Variants in COL19A1 observed in about 807,000 individuals in gnomAD.
COL19A1 encodes the protein collagen type XIX alpha 1 chain, also known as collagen alpha-1(XIX) chain.
A neutral mutation model predicts 190.2 loss-of-function variants in COL19A1; 159 were observed. The ratio of observed to expected loss-of-function variants is 0.84; its 90% CI spans 0.73 to 0.95. The LOEUF is 0.95. COL19A1 is among the 40% of genes least tolerant of loss of function. COL19A1 has a pLI of 0.00. For missense variants in COL19A1, 1,418 were observed against 1,431.9 expected (o/e 0.99, Z 0.16); for synonymous variants, 509 against 458.9 (o/e 1.11, Z -1.39).
At chr6:69,944,403 A>G (rs1424344417) in intron 9 of COL19A1, among the ~76,000 whole-genome samples, 1 of 152,142 alleles carries the variant, frequency 6.6e-6, no homozygotes, top group Non-Finnish European at 1.5e-5. Context: ...AGGAAAGTTT[A>G]AATAATCAAC....
chr6:70,048,286 A>G (rs1378255646), intron 14 of COL19A1, among the ~76,000 whole-genome samples: 1 of 152,138 alleles, frequency 6.6e-6, no homozygotes, highest in African/African-American at 2.4e-5. Context: ...AAGAGATCAT[A>G]TAGTGTTCAC....
At chr6:70,088,331 G>A (rs1782702561) in intron 15 of COL19A1, among the ~76,000 whole-genome samples, 1 of 152,006 alleles carries the variant, frequency 6.6e-6, no homozygotes, top group South Asian at 2.1e-4. Context: ...GACTTTTTCA[G>A]ATTCACTTAA....
Position 70,156,654 on chromosome 6 carries a change from T to C in COL19A1, c.2239-16T>C, listed in dbSNP as rs1305534911. Reference sequence around the variant, plus strand: ...AAAATGATTGCATGTGCTAGCTGAATGTATTGTCTTTTTAGGGAAGCAAAG... The same window carrying C: ...AAAATGATTGCATGTGCTAGCTGAACGTATTGTCTTTTTAGGGAAGCAAAG... On this transcript the variant is annotated splice_polypyrimidine_tract_variant and intron_variant, in intron 33 of 50. Coordinates refer to ENST00000620364, the MANE Select transcript of COL19A1 (RefSeq NM_001858.6). 1.2e-6 allele frequency: 2 copies of C among 1,611,070 alleles called. No individual in the cohort carries two copies. The highest frequency in any genetic ancestry group is 1.7e-6 in the Non-Finnish European group (2 of 1,178,136).
chr6:69,869,970 G>A (rs1201272559), intron 1 of COL19A1, among the ~76,000 whole-genome samples: 3 of 152,148 alleles, frequency 2.0e-5, no homozygotes, highest in South Asian at 2.1e-4. Context: ...TTCTGTGGAG[G>A]CAGAGAGCAA....
chr6:70,080,375 C>T (rs1782175438), intron 15 of COL19A1, among the ~76,000 whole-genome samples: 1 of 152,148 alleles, frequency 6.6e-6, no homozygotes, highest in Non-Finnish European at 1.5e-5. Flanking sequence ...TCTATTATTG[C>T]AATTTCAGTT....
chr6:69,879,609 A>G lies in COL19A1; in HGVS notation c.42A>G (p.Ser14=). The change falls in exon 2 of 51, where the codon TCA becomes TCG. Residue 14 remains serine, a synonymous_variant. Coordinates refer to ENST00000620364, the MANE Select transcript of COL19A1 (RefSeq NM_001858.6). ...TGPWKLWLWM[S]IFLLPASTSV... ...CTTGGAAACTTTGGCTTTGGATGTCAATATTTCTGCTTCCTGCTTCCACTT... is the reference window on the plus strand; with the variant it reads ...CTTGGAAACTTTGGCTTTGGATGTCGATATTTCTGCTTCCTGCTTCCACTT... The G allele has an allele frequency of 6.2e-7, 1 of 1,614,100 alleles. No homozygotes were observed. The highest frequency in any genetic ancestry group is 8.5e-7 in the Non-Finnish European group (1 of 1,180,012).
At chr6:70,043,193 C>CT (rs548148887) in intron 14 of COL19A1, among the ~76,000 whole-genome samples, 2,937 of 145,292 alleles carry the variant, frequency 0.02, 66 homozygotes, top group East Asian at 0.09. Flanking sequence ...ATTTCTTCTT[C>CT]TTTTTTTTTT....
chr6:70,074,198 A>C (rs1781723618), intron 15 of COL19A1, among the ~76,000 whole-genome samples: 3 of 151,982 alleles, frequency 2.0e-5, no homozygotes, highest in African/African-American at 7.2e-5. Flanking sequence ...AAAGTAAAAA[A>C]ATAATAATAA....
chr6:69,932,894 G>T, intron 7 of COL19A1, 31 bp downstream of exon 7: 2 of 1,402,180 alleles, frequency 1.4e-6, no homozygotes, highest in East Asian at 2.3e-5. Flanking sequence ...TATGAAGAAT[G>T]AAGAACGCCA....
In COL19A1 at chr6:70,140,968, A is replaced by C; in HGVS notation, c.1461A>C (p.Thr487=). The C allele has an allele frequency of 1.9e-6, 3 of 1,609,702 alleles. No individual in the cohort carries two copies. The highest frequency in any genetic ancestry group is 2.5e-6 in the Non-Finnish European group (3 of 1,176,824). The change falls in exon 20 of 51, where the codon ACA becomes ACC. Residue 487 remains threonine (T), a synonymous_variant. Coordinates refer to ENST00000620364, the MANE Select transcript of COL19A1 (RefSeq NM_001858.6). The part of the protein sequence containing the change: ...GQKGEPGEPF[T]KGEKGDRGEP... ...CTTCTCCTTAGGGAGAGCCTTTTAC[A>C]AAAGGAGAAAAAGGAGATAGAGTAA... is the stretch of plus-strand genomic sequence containing the variant.
At chr6:70,127,769 G>A (rs917746048) in intron 17 of COL19A1, among the ~76,000 whole-genome samples, 4 of 136,382 alleles carry the variant, frequency 2.9e-5, no homozygotes, top group African/African-American at 1.2e-4. Flanking sequence ...TCACTATCAT[G>A]AGAATAGCAC....
chr6:70,169,185 C>G (rs1322773109), intron 40 of COL19A1, among the ~76,000 whole-genome samples: 1 of 152,154 alleles, frequency 6.6e-6, no homozygotes. Flanking sequence ...AGGTTATGCT[C>G]AGCATGGAAG....
chr6:69,890,462 A>G (rs1421261126), intron 2 of COL19A1: 1 of 152,080 alleles, frequency 6.6e-6, no homozygotes, highest in African/African-American at 2.4e-5. Flanking sequence ...GTATCTCTCA[A>G]TTCCTTCCCA....
At chr6:69,925,530 G>C (rs866843600) in intron 4 of COL19A1, among the ~76,000 whole-genome samples, 3 of 152,244 alleles carry the variant, frequency 2.0e-5, no homozygotes, top group Middle Eastern at 3.4e-3. Flanking sequence ...GATGCCTCCA[G>C]CTTTTTTCTT....
intron 11 of COL19A1, chr6:69,973,730 A>G (rs2150057561): frequency 6.6e-6 from 1 of 152,390 alleles, no homozygotes; most frequent in Non-Finnish European, 1.5e-5. Flanking sequence ...ATTAATAAAT[A>G]TGCTTTATTA....
At chr6:70,061,681 T>C (rs1780836894) in intron 14 of COL19A1, among the ~76,000 whole-genome samples, 1 of 152,130 alleles carries the variant, frequency 6.6e-6, no homozygotes, top group South Asian at 2.1e-4. Flanking sequence ...CCCTGATGTG[T>C]ATGTTTTAGT....
intron 14 of COL19A1, among the ~76,000 whole-genome samples, chr6:70,036,260 A>G (rs898935871): frequency 4.6e-5 from 7 of 152,224 alleles, no homozygotes; most frequent in Admixed American, 1.3e-4. Flanking sequence ...GGTTTAATGT[A>G]AATGGAATCA....
rs1246084403 is a variant in COL19A1, at chr6:70,209,141, T to C, written c.*1867T>C. On this transcript the variant is annotated 3_prime_UTR_variant, in exon 51 of 51. Coordinates refer to ENST00000620364, the MANE Select transcript of COL19A1 (RefSeq NM_001858.6). ...GTGTTTTCTTAGTAAAATGGTAATT[T>C]ATCCCGAAAAAGTGTACATAGATCT... 6.6e-6 allele frequency: 1 copy of C among 152,598 alleles called. No homozygotes were observed. The highest frequency in any genetic ancestry group is 6.5e-5 in the Admixed American group (1 of 15,282). The allele number at this position is 152,598 out of a possible 1,614,324, so 9.5% of individuals were successfully genotyped here.
In COL19A1 at chr6:70,065,699, A is replaced by G. The variant is rs1160886045; in HGVS notation, c.1171-2724A>G. Among the ~76,000 whole-genome samples the G allele has an allele frequency of 1.1e-4, 17 of 152,322 alleles. No homozygotes were observed. The East Asian group carries it at 3.1e-3, about 28-fold the overall frequency. ...CTACAGAATGGGAGAAAATTTTTGC[A>G]GTCTACTTATCTGACAAAGGGCTAA... On this transcript the variant is annotated intron_variant, in intron 14 of 50. Coordinates refer to ENST00000620364, the MANE Select transcript of COL19A1 (RefSeq NM_001858.6).
Sources: allele counts gnomAD v4.1 joint callset (sites outside exome capture counted in the v4.1 genomes callset), GRCh38; gene constraint gnomAD v4.1.1; transcripts MANE v1.5; gene names NCBI Gene and HGNC (gene_info 2026-07-23, HGNC 2026-07-21).